Variants in WWOX observed in about 807,000 individuals in gnomAD.
WWOX encodes the protein WW domain containing oxidoreductase.
A neutral mutation model predicts 46.2 loss-of-function variants in WWOX; 69 were observed. The observed-to-expected ratio is 1.49, with a 90% CI of 1.23 to 1.82. WWOX has a LOEUF of 1.82. Ranked by LOEUF, WWOX falls within the 40% of genes most tolerant of loss-of-function variation. The probability of loss-of-function intolerance (pLI) is 0.00; values close to 1 mark genes in which losing one functional copy is unlikely to be tolerated. For missense variants in WWOX, 919 were observed against 542.6 expected, an observed-to-expected ratio of 1.69 and a Z score of -6.89; for synonymous variants, 359 against 202.6, an observed-to-expected ratio of 1.77 and a Z score of -6.56.
intron 8 of WWOX, among the ~76,000 whole-genome samples, chr16:79,151,824 G>A (rs922473535): frequency 2.6e-5 from 4 of 152,208 alleles, no homozygotes; most frequent in Admixed American, 2.6e-4. Flanking sequence ...TCCAGCCCCA[G>A]TGTTGAAGTT....
intron 4 of WWOX, chr16:78,123,924 A>T (rs1322225170): frequency 6.6e-6 from 1 of 152,120 alleles, no homozygotes; most frequent in Non-Finnish European, 1.5e-5. Flanking sequence ...AGTAAGAGGG[A>T]TCATATTAAA....
chr16:78,240,788 T>G (rs2037618866), intron 5 of WWOX, among the ~76,000 whole-genome samples: 1 of 152,206 alleles, frequency 6.6e-6, no homozygotes, highest in Non-Finnish European at 1.5e-5. Context: ...GTATTGCAGG[T>G]GCAAGGATCT....
At chr16:78,408,057 G>A (rs1291826379) in intron 6 of WWOX, among the ~76,000 whole-genome samples, 1 of 152,150 alleles carries the variant, frequency 6.6e-6, no homozygotes, top group Non-Finnish European at 1.5e-5. Flanking sequence ...AGAGTGGCAG[G>A]AGGCAGCCAA....
At chr16:78,458,385 C>T (rs1431733428) in intron 8 of WWOX, among the ~76,000 whole-genome samples, 1 of 151,684 alleles carries the variant, frequency 6.6e-6, no homozygotes, top group South Asian at 2.1e-4. Context: ...CTCAGCCTCC[C>T]AAGTAGCTGG....
At chr16:78,951,651 G>A (rs1310712772) in intron 8 of WWOX, among the ~76,000 whole-genome samples, 1 of 152,188 alleles carries the variant, frequency 6.6e-6, no homozygotes, top group East Asian at 1.9e-4. Flanking sequence ...TGTCAATCTT[G>A]TTTTAGGATC....
intron 8 of WWOX, among the ~76,000 whole-genome samples, chr16:79,070,574 G>A (rs2048531518): frequency 6.6e-6 from 1 of 152,152 alleles, no homozygotes; most frequent in Non-Finnish European, 1.5e-5. Context: ...GAGGCAGACG[G>A]GCAGTCAGGT....
chr16:78,990,514 C>G (rs1250219923), intron 8 of WWOX, among the ~76,000 whole-genome samples: 1 of 152,168 alleles, frequency 6.6e-6, no homozygotes, highest in Non-Finnish European at 1.5e-5. Flanking sequence ...CTATCAATGC[C>G]AAAATGCACA....
At position 79,039,204 on chromosome 16, in the gene WWOX, T is replaced by G. The variant is rs150995936; in HGVS notation, c.1057-172404T>G. 3.0e-4 allele frequency among the ~76,000 whole-genome samples: 46 copies of G among 152,300 alleles called. No homozygotes were observed. The East Asian group carries it at 8.3e-3, about 28-fold the overall frequency. On this transcript the variant is annotated intron_variant, in intron 8 of 8. Coordinates refer to ENST00000566780, the MANE Select transcript of WWOX (RefSeq NM_016373.4). ...CGGTTTTGAACCCAGGACTTTGCGT[T>G]GCAGTTTTGTTCAGGGGTTGCAGAA...
At chr16:79,203,647 G>T (rs2051415641) in intron 8 of WWOX, 1 of 152,116 alleles carries the variant, frequency 6.6e-6, no homozygotes, top group African/African-American at 2.4e-5. Context: ...AAAACAGCCA[G>T]CTACTTGGTT....
Position 78,976,088 on chromosome 16 carries a change from C to T in WWOX, c.1057-235520C>T, listed in dbSNP as rs138297536. 3.1e-4 allele frequency among the ~76,000 whole-genome samples: 47 copies of T among 152,296 alleles called. 1 individual carries two copies. The highest frequency in any genetic ancestry group is 1.1e-3 in the African/African-American group (44 of 41,564). ...AACATTAGGGCATTGTTATTCCATC[C>T]GAATGACAATTTCAAGCTCACGTCT... is the stretch of plus-strand genomic sequence containing the variant. On this transcript the variant is annotated intron_variant, in intron 8 of 8. Coordinates refer to ENST00000566780, the MANE Select transcript of WWOX (RefSeq NM_016373.4).
chr16:78,789,064 A>G (rs2050528188), intron 8 of WWOX, among the ~76,000 whole-genome samples: 1 of 152,206 alleles, frequency 6.6e-6, no homozygotes, highest in African/African-American at 2.4e-5. Flanking sequence ...AAGTTTTAAC[A>G]ACAAAAGTTT....
intron 8 of WWOX, among the ~76,000 whole-genome samples, chr16:78,866,037 C>G (rs866977281): frequency 2.6e-5 from 4 of 152,180 alleles, no homozygotes; most frequent in African/African-American, 9.7e-5. Flanking sequence ...ATCCGTGAGT[C>G]ATAGACTCAC....
At chr16:78,757,108 T>G in intron 8 of WWOX, 1 of 691,822 alleles carries the variant, frequency 1.4e-6, no homozygotes, top group Non-Finnish European at 2.6e-6. Context: ...GAACTTTATT[T>G]GAGCCCCTAT....
chr16:78,487,297 T>C (rs954112643), intron 8 of WWOX, among the ~76,000 whole-genome samples: 2 of 152,074 alleles, frequency 1.3e-5, no homozygotes, highest in African/African-American at 4.8e-5. Context: ...AAGCAGAGAT[T>C]TGGTTATTTT....
rs192579972 is a variant in WWOX at position 78,341,124 on chromosome 16, A to C, written c.517-45736A>C. ...GCTAGCTTAAGACTCAGCTCTCTTA[A>C]GTCACTTCCTAGTTGTCCATCTGCT... On this transcript the variant is annotated intron_variant, in intron 5 of 8. Transcript: ENST00000566780. Among the ~76,000 whole-genome samples, 11 of 117,374 alleles carry C rather than the reference A, an allele frequency of 9.4e-5. 2 individuals carry two copies. Among genetic ancestry groups the C allele is most frequent in the African/African-American group, 3.2e-4 (11 of 34,324 alleles). The allele number at this position is 117,374 out of a possible 152,430, so 77.0% of individuals were successfully genotyped here.
chr16:78,384,006 T>C (rs1185282608), intron 5 of WWOX, among the ~76,000 whole-genome samples: 2 of 152,212 alleles, frequency 1.3e-5, no homozygotes, highest in Non-Finnish European at 2.9e-5. Flanking sequence ...TTAGCAGTTG[T>C]AAGTTACTTA....
intron 8 of WWOX, among the ~76,000 whole-genome samples, chr16:78,745,766 TC>T (rs559514795): frequency 8.8e-5 from 13 of 148,470 alleles, no homozygotes; most frequent in African/African-American, 2.5e-4. Flanking sequence ...CTCCTCTTTT[TC>T]CCCCCCCTTC....
At chr16:78,130,893 G>C in intron 4 of WWOX, among the ~76,000 whole-genome samples, 1 of 152,336 alleles carries the variant, frequency 6.6e-6, no homozygotes, top group Middle Eastern at 3.4e-3. Context: ...GTGTCAGGCA[G>C]TGTCATCGTT....
chr16:78,760,836 T>C (rs1168362849), intron 8 of WWOX, among the ~76,000 whole-genome samples: 1 of 151,654 alleles, frequency 6.6e-6, no homozygotes, highest in Non-Finnish European at 1.5e-5. Flanking sequence ...AAGAAAGAGG[T>C]TTAATGAACT....
Sources: allele counts gnomAD v4.1 joint callset (sites outside exome capture counted in the v4.1 genomes callset), GRCh38; gene constraint gnomAD v4.1.1; transcripts MANE v1.5; gene names NCBI Gene and HGNC (gene_info 2026-07-23, HGNC 2026-07-21).